The following ZNF148 variants were observed in gnomAD, a reference collection of about 807,000 sequenced individuals.
ZNF148 encodes zinc finger protein 148, also known as Beta-Enolase Repressor Factor-1.
ZNF148 carries 7 observed loss-of-function variants against 67.7 expected under a neutral mutation model. That is an observed-to-expected ratio of 0.10 (90% CI 0.06 to 0.19). ZNF148 has a LOEUF of 0.19. Ranked by LOEUF, ZNF148 falls within the 10% of genes least tolerant of loss-of-function variation. The pLI is 1.00. For missense variants in ZNF148, 583 were observed against 947.1 expected (o/e 0.62, Z 5.05); for synonymous variants, 333 against 330.7 (o/e 1.01, Z -0.08).
chr3:125,241,535 C>G (rs1274499143), intron 7 of ZNF148, among the ~76,000 whole-genome samples: 1 of 152,080 alleles, frequency 6.6e-6, no homozygotes, highest in African/African-American at 2.4e-5. Flanking sequence ...CTGTTCTTAT[C>G]TTTTCTTTTT....
intron 4 of ZNF148, among the ~76,000 whole-genome samples, chr3:125,312,943 A>C (rs1940295547): frequency 6.6e-6 from 1 of 152,182 alleles, no homozygotes; most frequent in African/African-American, 2.4e-5. Context: ...AGAATTACAG[A>C]ATTTGTAGGA....
intron 7 of ZNF148, among the ~76,000 whole-genome samples, chr3:125,248,356 A>C (rs566634462): frequency 2.0e-5 from 3 of 152,322 alleles, no homozygotes; most frequent in African/African-American, 7.2e-5. Context: ...AGTGCCCTAT[A>C]ATAAGAGCTC....
chr3:125,374,057 C>T (rs1035217786), intron 1 of ZNF148, among the ~76,000 whole-genome samples: 2 of 152,190 alleles, frequency 1.3e-5, no homozygotes, highest in African/African-American at 4.8e-5. Context: ...TTCAAATTTT[C>T]TAAAATCGAA....
At chr3:125,367,874 G>A (rs925032136) in intron 1 of ZNF148, among the ~76,000 whole-genome samples, 4 of 152,214 alleles carry the variant, frequency 2.6e-5, no homozygotes, top group African/African-American at 9.7e-5. Context: ...AGACCCCATA[G>A]TTGTTTCAGG....
chr3:125,344,460 A>T (rs1941861562), intron 1 of ZNF148: 1 of 1,027,360 alleles, frequency 9.7e-7, no homozygotes, highest in Non-Finnish European at 1.5e-6. Context: ...AAAGAAGTCA[A>T]ATAAAAATGG....
intron 2 of ZNF148, among the ~76,000 whole-genome samples, chr3:125,325,896 C>T (rs1027369903): frequency 6.6e-6 from 1 of 152,060 alleles, no homozygotes; most frequent in African/African-American, 2.4e-5. Flanking sequence ...TGAAAGCAAA[C>T]CCAAGGAGAA....
chr3:125,274,693 T>C (rs1359622050), intron 7 of ZNF148, among the ~76,000 whole-genome samples: 1 of 152,160 alleles, frequency 6.6e-6, no homozygotes, highest in Non-Finnish European at 1.5e-5. Context: ...GGGCAGAGAA[T>C]GGGCTTGGAG....
rs1488334059 is a variant in ZNF148 at position 125,288,003 on chromosome 3, T to TTC, written c.459+98_459+99dup. On this transcript the variant is annotated intron_variant, in intron 5 of 8. Coordinates refer to ENST00000360647, the MANE Select transcript of ZNF148 (RefSeq NM_021964.3). ...CCCCTCCTACTAAACCACACAAGACTTCTACATCTGCCTTAGGGTCCAGCC... is the reference window on the plus strand; with the variant it reads ...CCCCTCCTACTAAACCACACAAGACTTCTCTACATCTGCCTTAGGGTCCAGCC... The TTC allele has an allele frequency of 2.1e-5, 33 of 1,550,602 alleles. 1 individual carries two copies. The highest frequency in any genetic ancestry group is 1.7e-4 in the Middle Eastern group (1 of 5,842).
intron 6 of ZNF148, among the ~76,000 whole-genome samples, chr3:125,278,795 T>C (rs1938211094): frequency 1.3e-5 from 2 of 152,204 alleles, no homozygotes; most frequent in African/African-American, 4.8e-5. Flanking sequence ...TTTTAAACTC[T>C]GCCTGGACAT....
In ZNF148 at chr3:125,325,520, C is replaced by T. The variant is rs187790667; in HGVS notation, c.-152-2076G>A. On this transcript the variant is annotated intron_variant, in intron 2 of 8. Transcript: ENST00000360647. ...TCACTCAGTTGCCCAGGCTGGAGTG[C>T]GATAGTACAATCTTGGCTCAGTGCA... Among the ~76,000 whole-genome samples, 747 of 152,098 alleles carry T rather than the reference C, an allele frequency of 4.9e-3. 5 individuals carry two copies. Among genetic ancestry groups the T allele is most frequent in the African/African-American group, 0.016 (681 of 41,516 alleles).
At chr3:125,286,933 G>A (rs1257667474) in intron 5 of ZNF148, among the ~76,000 whole-genome samples, 1 of 152,138 alleles carries the variant, frequency 6.6e-6, no homozygotes, top group Non-Finnish European at 1.5e-5. Context: ...ATAGTGGTAT[G>A]CTGGCAAATA....
chr3:125,343,166 C>T (rs915863089), intron 1 of ZNF148, among the ~76,000 whole-genome samples: 8 of 152,092 alleles, frequency 5.3e-5, no homozygotes, highest in South Asian at 4.1e-4. Context: ...ATTTTAAACA[C>T]GATGGAAAAG....
chr3:125,339,488 G>A (rs1438755071), intron 1 of ZNF148, among the ~76,000 whole-genome samples: 1 of 152,190 alleles, frequency 6.6e-6, no homozygotes, highest in Non-Finnish European at 1.5e-5. Flanking sequence ...ACAAAATTCT[G>A]TTTATGTGTA....
intron 7 of ZNF148, among the ~76,000 whole-genome samples, chr3:125,275,901 G>A (rs192357464): frequency 1.3e-3 from 192 of 152,206 alleles, no homozygotes; most frequent in South Asian, 3.5e-3. Context: ...GCTTTTCTGT[G>A]ACACCTGCCC....
intron 7 of ZNF148, among the ~76,000 whole-genome samples, chr3:125,246,075 A>G (rs1936586518): frequency 6.6e-6 from 1 of 152,134 alleles, no homozygotes. Flanking sequence ...TTTTTCTACA[A>G]AACTTCCCCA....
In ZNF148 at chr3:125,233,608, A is replaced by G. The variant is rs947583970; in HGVS notation, c.1118T>C (p.Val373Ala). 2.5e-6 allele frequency: 4 copies of G among 1,613,862 alleles called. No individual in the cohort carries two copies. The highest frequency in any genetic ancestry group is 1.1e-5 in the South Asian group (1 of 91,080). ...EYAVEMPHSS[V>A]GGSHLEDASG... ...CGCATCTTCTAAATGCGAGCCCCCA[A>G]CTGACGAATGTGGCATTTCAACAGC... The change falls in exon 9 of 9, where the codon GTT (valine) becomes GCT (alanine). Residue 373 changes from valine to alanine, a missense_variant. Transcript: ENST00000360647. The surrounding 1 kb of genome is among the most constrained non-coding windows in gnomAD (Gnocchi z 5.1).
At chr3:125,234,123 T>A in intron 8 of ZNF148, 88 bp downstream of exon 8, 1 of 1,209,860 alleles carries the variant, frequency 8.3e-7, no homozygotes, top group Non-Finnish European at 1.2e-6. Context: ...GCCCCTTAAA[T>A]AGCTCTAAGT....
At chr3:125,335,403 A>G (rs1426078790) in intron 1 of ZNF148, among the ~76,000 whole-genome samples, 2 of 152,228 alleles carry the variant, frequency 1.3e-5, no homozygotes, top group Admixed American at 6.5e-5. Flanking sequence ...AAGGTCACAT[A>G]AACCTAATAA....
rs1942621327 is a variant in ZNF148 at position 125,363,858 on chromosome 3, A to T, written c.-234+11244T>A. On this transcript the variant is annotated intron_variant, in intron 1 of 8. Coordinates refer to ENST00000360647, the MANE Select transcript of ZNF148 (RefSeq NM_021964.3). The stretch of plus-strand genomic sequence containing the variant: ...GAGACAAGGTTTCGCCATGTTGCCT[A>T]GGCTGGTCTCAAACTCCTGAGCTCA... Among the ~76,000 whole-genome samples, 4 of 152,022 alleles carry T rather than the reference A, an allele frequency of 2.6e-5. No individual in the cohort carries two copies. In the South Asian group the frequency reaches 6.2e-4, roughly 24 times the overall value.
Sources: allele counts gnomAD v4.1 joint callset (sites outside exome capture counted in the v4.1 genomes callset), GRCh38; gene constraint gnomAD v4.1.1; non-coding constraint Gnocchi (gnomAD v3.1); transcripts MANE v1.5; gene names NCBI Gene and HGNC (gene_info 2026-07-23, HGNC 2026-07-21).